BCAS3: variants seen among roughly 807,000 people sequenced by gnomAD.
BCAS3 encodes the protein BCAS3 microtubule associated cell migration factor.
BCAS3 carries 53 observed loss-of-function variants against 116.1 expected under a neutral mutation model. The ratio of observed to expected loss-of-function variants is 0.46; its 90% CI spans 0.37 to 0.57. The LOEUF is 0.57. BCAS3 is among the 20% of genes least tolerant of loss of function. BCAS3 has a pLI of 0.00. For synonymous variants in BCAS3, 391 were observed against 408.2 expected, an observed-to-expected ratio of 0.96 and a Z score of 0.51; for missense variants, 917 against 1,165.4, an observed-to-expected ratio of 0.79 and a Z score of 3.10.
chr17:60,838,519 C>A (rs2051578066), intron 7 of BCAS3, among the ~76,000 whole-genome samples: 1 of 151,618 alleles, frequency 6.6e-6, no homozygotes, highest in Non-Finnish European at 1.5e-5. Context: ...TAGTGAAAAG[C>A]AGCCCAAATT....
At chr17:60,902,525 A>G (rs1466854210) in intron 10 of BCAS3, 95 bp from the exon 11 acceptor site, 5 of 981,754 alleles carry the variant, frequency 5.1e-6, no homozygotes, top group Non-Finnish European at 7.9e-6. Context: ...CATCACCATC[A>G]CTGTTCACGG....
chr17:60,899,461 G>A (rs1003025640), intron 10 of BCAS3, among the ~76,000 whole-genome samples: 5 of 152,062 alleles, frequency 3.3e-5, no homozygotes, highest in African/African-American at 1.2e-4. Flanking sequence ...GTGCGGGAAT[G>A]AGCCCAGATC....
intron 22 of BCAS3, among the ~76,000 whole-genome samples, chr17:61,237,313 A>T (rs1203026565): frequency 6.6e-6 from 1 of 152,350 alleles, no homozygotes; most frequent in East Asian, 1.9e-4. Flanking sequence ...AAAATGCCCC[A>T]ATCAGTGCTC....
chr17:60,877,792 T>G (rs2144930286), intron 9 of BCAS3, among the ~76,000 whole-genome samples: 1 of 152,322 alleles, frequency 6.6e-6, no homozygotes, highest in East Asian at 1.9e-4. Context: ...AGATTATCAC[T>G]TATTCTCTCA....
chr17:61,119,391 A>G (rs1460597461), intron 22 of BCAS3, among the ~76,000 whole-genome samples: 3 of 152,198 alleles, frequency 2.0e-5, no homozygotes, highest in Non-Finnish European at 4.4e-5. Context: ...TATAAAATAT[A>G]TTATTGTAAT....
At chr17:60,690,766 C>A (rs1048222430) in intron 4 of BCAS3, among the ~76,000 whole-genome samples, 15 of 150,830 alleles carry the variant, frequency 9.9e-5, no homozygotes, top group Admixed American at 2.0e-4. Flanking sequence ...ACTAAAAATA[C>A]AAAATTAGTC....
intron 6 of BCAS3, among the ~76,000 whole-genome samples, chr17:60,797,809 A>C (rs955360310): frequency 1.3e-5 from 2 of 152,264 alleles, no homozygotes; most frequent in African/African-American, 4.8e-5. Context: ...TTTATTTCTT[A>C]TTCACAGAAA....
chr17:61,268,899 A>G (rs1006530177), intron 22 of BCAS3, among the ~76,000 whole-genome samples: 12 of 151,920 alleles, frequency 7.9e-5, no homozygotes, highest in Non-Finnish European at 1.8e-4. Context: ...ACCTAGCATG[A>G]TGTCCTCAAG....
Position 61,023,155 on chromosome 17 carries a change from T to C in BCAS3, c.1637+7254T>C, listed in dbSNP as rs1371149358. ...TAGGAATAATTTACTGATATGCATGTGGGAAATGCAAGTTCACTTCAGTTG... is the reference window on the plus strand; with the variant it reads ...TAGGAATAATTTACTGATATGCATGCGGGAAATGCAAGTTCACTTCAGTTG... On this transcript the variant is annotated intron_variant, in intron 16 of 23. Transcript: ENST00000407086. The surrounding 1 kb of genome is among the most constrained non-coding windows in gnomAD (Gnocchi z 4.8). 6.6e-6 allele frequency among the ~76,000 whole-genome samples: 1 copy of C among 152,250 alleles called. No homozygotes were observed. Among genetic ancestry groups the C allele is most frequent in the Non-Finnish European group, 1.5e-5 (1 of 68,044 alleles).
intron 11 of BCAS3, among the ~76,000 whole-genome samples, chr17:60,903,622 A>G (rs947797094): frequency 2.0e-4 from 31 of 152,178 alleles, no homozygotes; most frequent in Non-Finnish European, 2.1e-4. Flanking sequence ...TTGTAGAGAC[A>G]GGGTTTTGCC....
chr17:60,793,764 C>CATAT (rs144436783), intron 6 of BCAS3, among the ~76,000 whole-genome samples: 1 of 150,170 alleles, frequency 6.7e-6, no homozygotes, highest in African/African-American at 2.4e-5. Flanking sequence ...AATATTCCAT[C>CATAT]ATATATATAT....
chr17:61,171,593 A>G lies in BCAS3; in HGVS notation c.2425+87029A>G, dbSNP rs79911445. Among the ~76,000 whole-genome samples the G allele has an allele frequency of 2.8e-3, 426 of 152,174 alleles. 4 individuals are homozygous for G. The highest frequency in any genetic ancestry group is 9.8e-3 in the African/African-American group (405 of 41,460). On this transcript the variant is annotated intron_variant, in intron 22 of 23. Transcript: ENST00000407086. This position sits in a 1 kb window ranked among gnomAD's most constrained non-coding sequence, Gnocchi z 4.1. ...ACATGAATAGGACAAAAGTAAAAGGATAGAAATAATGATATATTATGCTAA... is the reference window on the plus strand; with the variant it reads ...ACATGAATAGGACAAAAGTAAAAGGGTAGAAATAATGATATATTATGCTAA...
In BCAS3 at chr17:61,126,479, A is replaced by T. The variant is rs1253796343; in HGVS notation, c.2425+41915A>T. Among the ~76,000 whole-genome samples, 2 of 152,178 alleles carry T rather than the reference A, an allele frequency of 1.3e-5. No individual in the cohort carries two copies. Among genetic ancestry groups the T allele is most frequent in the Non-Finnish European group, 2.9e-5 (2 of 68,008 alleles). ...GACAATAGTCATTATATGATTTTGT[A>T]TTTTAAGTATTTTCATAATCCAACA... On this transcript the variant is annotated intron_variant, in intron 22 of 23. Transcript: ENST00000407086. The surrounding 1 kb of genome is among the most constrained non-coding windows in gnomAD (Gnocchi z 4.6).
chr17:61,292,280 T>C (rs1250703910), intron 22 of BCAS3, among the ~76,000 whole-genome samples: 3 of 152,096 alleles, frequency 2.0e-5, no homozygotes, highest in African/African-American at 7.2e-5. Context: ...TCACAGCAGC[T>C]CTTGTATTTT....
intron 22 of BCAS3, among the ~76,000 whole-genome samples, chr17:61,185,699 G>A (rs1208071279): frequency 6.6e-6 from 1 of 152,146 alleles, no homozygotes; most frequent in Non-Finnish European, 1.5e-5. Flanking sequence ...TCCTCTCTCT[G>A]AGTGTAAAAC....
intron 9 of BCAS3, among the ~76,000 whole-genome samples, chr17:60,881,383 C>A (rs1343643780): frequency 6.6e-6 from 1 of 151,858 alleles, no homozygotes; most frequent in African/African-American, 2.4e-5. Flanking sequence ...GAAACCATTG[C>A]CCAATCCAAG....
intron 22 of BCAS3, among the ~76,000 whole-genome samples, chr17:61,174,295 G>A (rs1056008458): frequency 7.2e-5 from 11 of 152,124 alleles, no homozygotes; most frequent in Admixed American, 3.3e-4. Context: ...ACTTTGTGCC[G>A]TTTGACCTAC....
intron 19 of BCAS3, among the ~76,000 whole-genome samples, chr17:61,049,001 C>T (rs970331157): frequency 6.6e-6 from 1 of 152,022 alleles, no homozygotes; most frequent in African/African-American, 2.4e-5. Flanking sequence ...GAGAAAGCTT[C>T]ATTGCATAAG....
In BCAS3 at chr17:61,171,379, A is replaced by G. The variant is rs1037864250; in HGVS notation, c.2425+86815A>G. Among the ~76,000 whole-genome samples the G allele has an allele frequency of 3.3e-5, 5 of 152,340 alleles. No homozygotes were observed. Among genetic ancestry groups the G allele is most frequent in the African/African-American group, 9.6e-5 (4 of 41,568 alleles). On this transcript the variant is annotated intron_variant, in intron 22 of 23. Transcript: ENST00000407086. The surrounding 1 kb of genome is among the most constrained non-coding windows in gnomAD (Gnocchi z 4.1). ...TGGGAACCAAAAAGAAAAAAATGGA[A>G]CAAAGAATAAATGTATGAACTAATA...
Sources: gnomAD v4.1 joint callset for allele counts (sites outside exome capture counted in the v4.1 genomes callset) on GRCh38, gnomAD v4.1.1 for gene constraint, Gnocchi (gnomAD v3.1) non-coding constraint, MANE v1.5 for transcripts, NCBI Gene and HGNC (gene_info 2026-07-23, HGNC 2026-07-21) for gene names.